The following IKZF3 variants were observed in gnomAD, a reference collection of about 807,000 sequenced individuals.
The protein encoded by IKZF3 is zinc finger protein Aiolos.
In IKZF3, 10 loss-of-function variants were observed where a neutral mutation model predicts 49.0. That is an observed-to-expected ratio of 0.20 (90% CI 0.13 to 0.35). The LOEUF is 0.35. Among genes scored for constraint, IKZF3 ranks in the 10% least tolerant of loss-of-function variants. IKZF3 has a pLI of 1.00. For missense variants in IKZF3, 498 were observed against 664.8 expected, an observed-to-expected ratio of 0.75 and a Z score of 2.76; for synonymous variants, 209 against 228.2, an observed-to-expected ratio of 0.92 and a Z score of 0.76.
intron 6 of IKZF3, among the ~76,000 whole-genome samples, chr17:39,780,408 G>T (rs1028219805): frequency 2.0e-5 from 3 of 152,016 alleles, no homozygotes; most frequent in Admixed American, 6.6e-5. Flanking sequence ...CTGTTACCCA[G>T]GGTGGAGTGC....
intron 3 of IKZF3, among the ~76,000 whole-genome samples, chr17:39,814,530 G>A (rs529100637): frequency 2.9e-4 from 44 of 152,206 alleles, no homozygotes; most frequent in African/African-American, 1.0e-3. Flanking sequence ...TGGAAATATC[G>A]TCATAGTAGA....
chr17:39,844,091 C>G (rs1790220739), intron 1 of IKZF3, among the ~76,000 whole-genome samples: 1 of 152,028 alleles, frequency 6.6e-6, no homozygotes. Context: ...CACTTCAGTC[C>G]CCCCTAACAA....
At chr17:39,836,175 G>A in intron 1 of IKZF3, 1 of 662,512 alleles carries the variant, frequency 1.5e-6, no homozygotes, top group East Asian at 2.8e-5. Context: ...GCTTAAGGGG[G>A]CTCAGCAGGC....
chr17:39,768,074 C>T (rs984181428), intron 7 of IKZF3, among the ~76,000 whole-genome samples: 2 of 152,062 alleles, frequency 1.3e-5, no homozygotes, highest in African/African-American at 4.8e-5. Context: ...TGTAAAAGGA[C>T]TGCTTTGCTC....
At chr17:39,820,408 A>T (rs1342759654) in intron 3 of IKZF3, among the ~76,000 whole-genome samples, 1 of 152,204 alleles carries the variant, frequency 6.6e-6, no homozygotes, top group African/African-American at 2.4e-5. Context: ...AAAAGCCTGG[A>T]AGTAAGTACT....
intron 3 of IKZF3, among the ~76,000 whole-genome samples, chr17:39,814,016 C>T (rs1424203682): frequency 6.6e-6 from 1 of 152,186 alleles, no homozygotes; most frequent in African/African-American, 2.4e-5. Flanking sequence ...CATCCATAAA[C>T]CACACATGTG....
intron 1 of IKZF3, among the ~76,000 whole-genome samples, chr17:39,837,136 T>TA (rs1270370567): frequency 6.6e-6 from 1 of 151,968 alleles, no homozygotes; most frequent in African/African-American, 2.4e-5. Context: ...GGTCTCACTG[T>TA]GTTGCCCAGG....
At chr17:39,768,653 C>T (rs961499609) in intron 7 of IKZF3, among the ~76,000 whole-genome samples, 1 of 152,196 alleles carries the variant, frequency 6.6e-6, no homozygotes, top group Non-Finnish European at 1.5e-5. Context: ...ATGTACCTCA[C>T]AGGGTCACTG....
chr17:39,782,492 G>A (rs2143781803), intron 6 of IKZF3, among the ~76,000 whole-genome samples: 1 of 152,174 alleles, frequency 6.6e-6, no homozygotes, highest in South Asian at 2.1e-4. Flanking sequence ...TTACTGAGTG[G>A]TTTAGGCAGT....
In IKZF3 at chr17:39,805,465, G is replaced by A. The variant is rs545912488; in HGVS notation, c.164-12532C>T. ...AGAAGGAAATGAGTATAAGGATTAAGAATTAGAAGACTCTTGTTCTTTTTA... is the reference window on the plus strand; with the variant it reads ...AGAAGGAAATGAGTATAAGGATTAAAAATTAGAAGACTCTTGTTCTTTTTA... On this transcript the variant is annotated intron_variant, in intron 3 of 7. Transcript: ENST00000346872. Among the ~76,000 whole-genome samples the A allele has an allele frequency of 2.2e-4, 34 of 152,246 alleles. 1 individual carries two copies. The East Asian group carries it at 6.4e-3, about 28-fold the overall frequency.
In IKZF3 at chr17:39,787,327, G is replaced by A. The variant is rs115002740; in HGVS notation, c.709+931C>T. On this transcript the variant is annotated intron_variant, in intron 6 of 7. Coordinates refer to ENST00000346872, the MANE Select transcript of IKZF3 (RefSeq NM_012481.5). ...ATTGAGATATAGAAGAACATCTAGT[G>A]TTTCAACCAATTGCCAGTAGGCATC... Among the ~76,000 whole-genome samples the A allele has an allele frequency of 2.3e-3, 355 of 152,334 alleles. 1 individual carries two copies. The highest frequency in any genetic ancestry group is 8.2e-3 in the African/African-American group (339 of 41,572).
At chr17:39,850,936 C>A (rs569280792) in intron 1 of IKZF3, among the ~76,000 whole-genome samples, 1 of 128,148 alleles carries the variant, frequency 7.8e-6, no homozygotes, top group Non-Finnish European at 1.6e-5. Context: ...ATTATATATA[C>A]GTGTATATAT....
rs1447109556 is a variant in IKZF3, at chr17:39,762,314, G to C, written c.*3476C>G. On this transcript the variant is annotated 3_prime_UTR_variant, in exon 8 of 8. Transcript: ENST00000346872. Reference sequence around the variant, plus strand: ...TATGTACAGAAGGCAGCGTTTATCTGTGTGATGGTAACCACTGCATATCTG... The same window carrying C: ...TATGTACAGAAGGCAGCGTTTATCTCTGTGATGGTAACCACTGCATATCTG... 2.6e-5 allele frequency: 4 copies of C among 152,260 alleles called. No individual in the cohort carries two copies. Among genetic ancestry groups the C allele is most frequent in the Non-Finnish European group, 5.9e-5 (4 of 68,052 alleles). 9.4% of individuals were successfully genotyped at this position (152,260 alleles called of 1,614,324 possible). A position where few individuals can be genotyped will look rare whatever the true frequency, so the allele number is the denominator to read the frequency against.
chr17:39,844,411 CT>C (rs750489961), intron 1 of IKZF3, among the ~76,000 whole-genome samples: 12 of 152,182 alleles, frequency 7.9e-5, no homozygotes, highest in Non-Finnish European at 1.5e-4. Flanking sequence ...ACCCTTCCCC[CT>C]GACTATAATG....
At chr17:39,813,344 T>C (rs2144121502) in intron 3 of IKZF3, among the ~76,000 whole-genome samples, 1 of 151,516 alleles carries the variant, frequency 6.6e-6, no homozygotes, top group Admixed American at 6.6e-5. Context: ...AGAGATGTTT[T>C]CTGTTAAAAA....
intron 1 of IKZF3, among the ~76,000 whole-genome samples, chr17:39,853,335 T>G (rs2062937436): frequency 6.6e-6 from 1 of 152,220 alleles, no homozygotes; most frequent in South Asian, 2.1e-4. Context: ...GTATAATAAA[T>G]GTATTACAAG....
chr17:39,768,138 G>T (rs754412184), intron 7 of IKZF3, among the ~76,000 whole-genome samples: 25 of 152,138 alleles, frequency 1.6e-4, no homozygotes, highest in Admixed American at 3.3e-4. Flanking sequence ...ATTTAGGCAG[G>T]GAAGTAACGT....
rs140386398 is a variant in IKZF3, at chr17:39,818,756, G to A, written c.163+10631C>T. Among the ~76,000 whole-genome samples the A allele has an allele frequency of 3.2e-3, 494 of 152,284 alleles. 4 individuals carry two copies. Among genetic ancestry groups the A allele is most frequent in the African/African-American group, 0.011 (470 of 41,538 alleles). ...GCCTGTAGTCCCAGCTACTCAGGAG[G>A]CTGAGGCACGAGAATCACTTGAAAT... On this transcript the variant is annotated intron_variant, in intron 3 of 7. Coordinates refer to ENST00000346872, the MANE Select transcript of IKZF3 (RefSeq NM_012481.5).
intron 3 of IKZF3, among the ~76,000 whole-genome samples, chr17:39,824,599 C>G (rs759779978): frequency 6.6e-6 from 1 of 152,032 alleles, no homozygotes; most frequent in Non-Finnish European, 1.5e-5. Flanking sequence ...GAGAAGGACC[C>G]GGTGGGATTG....
Sources: gnomAD v4.1 joint callset for allele counts (sites outside exome capture counted in the v4.1 genomes callset) on GRCh38, gnomAD v4.1.1 for gene constraint, MANE v1.5 for transcripts, NCBI Gene and HGNC (gene_info 2026-07-23, HGNC 2026-07-21) for gene names.